The following REDIC1 variants were observed in gnomAD, a reference collection of about 807,000 sequenced individuals.
REDIC1 encodes the protein HEI10 Interacting Protein 1.
the REDIC1 span, among the ~76,000 whole-genome samples, chr12:39,687,099 T>A: frequency 6.6e-6 from 1 of 152,196 alleles, no homozygotes. Flanking sequence ...TTTTTTGTTA[T>A]AACCATTCCA....
chr12:39,887,617 C>A, the REDIC1 span, among the ~76,000 whole-genome samples: 4 of 152,136 alleles, frequency 2.6e-5, no homozygotes, highest in African/African-American at 9.7e-5. Flanking sequence ...AGAGGGTAGA[C>A]GTCCTTCTTC....
At chr12:39,843,557 C>T in the REDIC1 span, among the ~76,000 whole-genome samples, 1 of 152,016 alleles carries the variant, frequency 6.6e-6, no homozygotes, top group Non-Finnish European at 1.5e-5. Flanking sequence ...TAATACAATT[C>T]CTTATATGAA....
chr12:39,712,051 T>TGTATATATACCTACCTGTAA, the REDIC1 span, among the ~76,000 whole-genome samples: 1 of 143,180 alleles, frequency 7.0e-6, no homozygotes, highest in African/African-American at 2.5e-5. Context: ...CCTACCTGTA[T>TGTATATATACCTACCTGTAA]GTATATATAC....
the REDIC1 span, among the ~76,000 whole-genome samples, chr12:39,655,536 G>T: frequency 1.3e-5 from 2 of 152,148 alleles, no homozygotes; most frequent in Non-Finnish European, 2.9e-5. Context: ...AGGTCTGGGA[G>T]TTTATCAAAG....
At chr12:39,646,344 C>G in the REDIC1 span, 1 of 1,313,876 alleles carries the variant, frequency 7.6e-7, no homozygotes, top group Non-Finnish European at 9.9e-7. Flanking sequence ...GTGAGAAAAC[C>G]AACCCATGTG....
the REDIC1 span, among the ~76,000 whole-genome samples, chr12:39,777,231 G>T: frequency 6.6e-6 from 1 of 152,170 alleles, no homozygotes; most frequent in Non-Finnish European, 1.5e-5. Context: ...GTGAAAAGAA[G>T]AGACCGGACT....
chr12:39,651,561 C>A, the REDIC1 span, among the ~76,000 whole-genome samples: 4 of 152,154 alleles, frequency 2.6e-5, no homozygotes, highest in South Asian at 2.1e-4. Context: ...TCTCAATGTC[C>A]ATTTCACCAA....
the REDIC1 span, among the ~76,000 whole-genome samples, chr12:39,699,725 C>T: frequency 2.6e-5 from 4 of 152,182 alleles, no homozygotes; most frequent in Non-Finnish European, 5.9e-5. Flanking sequence ...AGTGGTTCTC[C>T]CAGCACGCAG....
chr12:39,815,102 C>G, the REDIC1 span, among the ~76,000 whole-genome samples: 1 of 151,942 alleles, frequency 6.6e-6, no homozygotes, highest in Admixed American at 6.6e-5. Context: ...TGACCCAAGG[C>G]CATCTTCTGG....
chr12:39,854,998 T>A, the REDIC1 span, among the ~76,000 whole-genome samples: 1 of 152,200 alleles, frequency 6.6e-6, no homozygotes, highest in Non-Finnish European at 1.5e-5. Flanking sequence ...CTCTATTTCA[T>A]TAACCTTTTA....
chr12:39,830,282 A>G, the REDIC1 span: 2 of 1,578,038 alleles, frequency 1.3e-6, no homozygotes, highest in Non-Finnish European at 1.7e-6. Context: ...GGTGCTCACC[A>G]TATACTGGAT....
chr12:39,709,024 G>GT, the REDIC1 span, among the ~76,000 whole-genome samples: 1 of 151,732 alleles, frequency 6.6e-6, no homozygotes, highest in Non-Finnish European at 1.5e-5. Context: ...GTTCAGTCTA[G>GT]TTTTTTACAT....
At chr12:39,692,726 A>G in the REDIC1 span, among the ~76,000 whole-genome samples, 3 of 151,986 alleles carry the variant, frequency 2.0e-5, no homozygotes, top group African/African-American at 4.8e-5. Flanking sequence ...ATATTTTCCT[A>G]TGAAGAACAA....
chr12:39,902,414 ACTTGAAATGTG>A, the REDIC1 span, among the ~76,000 whole-genome samples: 1 of 152,084 alleles, frequency 6.6e-6, no homozygotes, highest in Non-Finnish European at 1.5e-5. Flanking sequence ...CTATTTTTAA[ACTTGAAATGTG>A]TCTTCTCTCC....
chr12:39,729,412 A>G, the REDIC1 span, among the ~76,000 whole-genome samples: 1 of 152,000 alleles, frequency 6.6e-6, no homozygotes, highest in Admixed American at 6.6e-5. Context: ...TCATTTTGTT[A>G]TTTACCCAGT....
the REDIC1 span, among the ~76,000 whole-genome samples, chr12:39,662,658 CA>C: frequency 6.6e-6 from 1 of 152,046 alleles, no homozygotes; most frequent in African/African-American, 2.4e-5. Context: ...CTAGGACCTC[CA>C]ATACCATGTT....
chr12:39,823,429 T>C, the REDIC1 span, among the ~76,000 whole-genome samples: 1 of 150,724 alleles, frequency 6.6e-6, no homozygotes, highest in Non-Finnish European at 1.5e-5. Flanking sequence ...AAAAGTGATA[T>C]CTCTTTTCAA....
chr12:39,660,309 C>T, the REDIC1 span, among the ~76,000 whole-genome samples: 1 of 152,084 alleles, frequency 6.6e-6, no homozygotes, highest in Non-Finnish European at 1.5e-5. Context: ...CCAGGTGTTT[C>T]CTCAACAAAG....
chr12:39,724,848 G>T, the REDIC1 span, among the ~76,000 whole-genome samples: 1 of 151,936 alleles, frequency 6.6e-6, no homozygotes, highest in African/African-American at 2.4e-5. Flanking sequence ...AAATATGAAA[G>T]AGCATTAATT....
Sources: gnomAD v4.1 joint callset for allele counts (sites outside exome capture counted in the v4.1 genomes callset) on GRCh38, gnomAD v4.1.1 for gene constraint, MANE v1.5 for transcripts, NCBI Gene and HGNC (gene_info 2026-07-23, HGNC 2026-07-21) for gene names.